Variants in SIMC1 observed in about 807,000 individuals in gnomAD.
SIMC1 encodes SUMO interacting motifs containing 1, also known as SUMO-interacting motif-containing protein 1.
Under a neutral mutation model 82.3 loss-of-function variants are expected in SIMC1, and 55 were observed. That is an observed-to-expected ratio of 0.67 (90% confidence interval 0.54 to 0.84). SIMC1 has a LOEUF of 0.84. Ranked by LOEUF, SIMC1 falls within the 40% of genes least tolerant of loss-of-function variation. The pLI is 0.00. For synonymous variants in SIMC1, 353 were observed against 426.3 expected (o/e 0.83, Z 2.12); for missense variants, 915 against 1,107.2 (o/e 0.83, Z 2.46).
chr5:176,274,430 A>G (rs1382586628), intron 1 of SIMC1, among the ~76,000 whole-genome samples: 2 of 151,724 alleles, frequency 1.3e-5, no homozygotes, highest in Non-Finnish European at 2.9e-5. Context: ...AGTAGGTTGC[A>G]AAAATTTTCT....
intron 1 of SIMC1, among the ~76,000 whole-genome samples, chr5:176,260,050 G>A (rs186823139): frequency 1.1e-3 from 158 of 150,356 alleles, no homozygotes; most frequent in South Asian, 3.1e-3. Context: ...TAAAAAATAC[G>A]TAATAGACAT....
chr5:176,279,504 GC>G (rs1244838638), intron 1 of SIMC1, among the ~76,000 whole-genome samples: 1 of 150,486 alleles, frequency 6.6e-6, no homozygotes, highest in East Asian at 1.9e-4. Flanking sequence ...GTTATTTCTT[GC>G]CTTCTGCTAG....
intron 7 of SIMC1, among the ~76,000 whole-genome samples, chr5:176,334,534 C>A (rs75823125): frequency 0.014 from 2,152 of 152,284 alleles, 41 homozygotes; most frequent in South Asian, 0.062. Context: ...TGCAACCCCC[C>A]AGTAGCTGTT....
intron 7 of SIMC1, among the ~76,000 whole-genome samples, chr5:176,328,485 C>T (rs898180496): frequency 1.3e-5 from 2 of 151,726 alleles, no homozygotes; most frequent in Non-Finnish European, 2.9e-5. Context: ...TTTTGTGTGG[C>T]TGTAAACACT....
At chr5:176,259,748 G>A (rs1761954710) in intron 1 of SIMC1, among the ~76,000 whole-genome samples, 1 of 151,280 alleles carries the variant, frequency 6.6e-6, no homozygotes, top group Non-Finnish European at 1.5e-5. Flanking sequence ...ACTCCAGCCT[G>A]GGCAACAGAG....
At chr5:176,305,137 G>GC (rs1491389294) in intron 4 of SIMC1, among the ~76,000 whole-genome samples, 172 of 11,542 alleles carry the variant, frequency 0.015, 4 homozygotes, top group African/African-American at 0.041. Flanking sequence ...CCATCCAGGA[G>GC]GGGGGGGGGG....
chr5:176,282,938 A>G (rs1176807604), intron 1 of SIMC1, among the ~76,000 whole-genome samples: 1 of 152,256 alleles, frequency 6.6e-6, no homozygotes, highest in Non-Finnish European at 1.5e-5. Flanking sequence ...TTGAAGATCA[A>G]ATGAATGAAA....
intron 1 of SIMC1, among the ~76,000 whole-genome samples, chr5:176,275,792 T>G (rs1762662187): frequency 6.6e-6 from 1 of 151,848 alleles, no homozygotes; most frequent in African/African-American, 2.4e-5. Flanking sequence ...TTCCGTATAT[T>G]GAACCAGCCT....
intron 1 of SIMC1, among the ~76,000 whole-genome samples, chr5:176,258,052 C>T (rs574125111): frequency 1.4e-3 from 214 of 152,200 alleles, no homozygotes; most frequent in African/African-American, 4.8e-3. Flanking sequence ...TCTTTCTAAG[C>T]GGAAGTACAG....
At chr5:176,342,229 C>T (rs1581339569) in intron 9 of SIMC1, among the ~76,000 whole-genome samples, 1 of 152,288 alleles carries the variant, frequency 6.6e-6, no homozygotes, top group Non-Finnish European at 1.5e-5. Flanking sequence ...AAGACAATTC[C>T]TAACTAGTCT....
At position 176,345,891 on chromosome 5, in the gene SIMC1, T is replaced by C. The variant is rs367925811; in HGVS notation, c.*446T>C. The C allele has an allele frequency of 2.0e-5, 3 of 152,366 alleles. No individual in the cohort carries two copies. In the East Asian group the frequency reaches 5.8e-4, roughly 29 times the overall value. 9.4% of individuals were successfully genotyped at this position (152,366 alleles called of 1,614,324 possible). ...TAGACCTATTATATTGCCTGTTAAT[T>C]TGACTGTAATGAATAGGGGGTAGAA... On this transcript the variant is annotated 3_prime_UTR_variant, in exon 10 of 10. Transcript: ENST00000429602.
chr5:176,249,896 GT>G (rs1478574869), intron 1 of SIMC1, among the ~76,000 whole-genome samples: 1 of 149,160 alleles, frequency 6.7e-6, no homozygotes, highest in African/African-American at 2.4e-5. Context: ...TTTTTGAAGG[GT>G]TTTTCATGTC....
At chr5:176,331,547 T>C (rs1325194236) in intron 7 of SIMC1, among the ~76,000 whole-genome samples, 2 of 150,946 alleles carry the variant, frequency 1.3e-5, no homozygotes, top group African/African-American at 2.4e-5. Context: ...ACTCCTGTCC[T>C]CAAGTGATCC....
At chr5:176,287,291 A>C (rs1212553598) in intron 1 of SIMC1, among the ~76,000 whole-genome samples, 1 of 152,248 alleles carries the variant, frequency 6.6e-6, no homozygotes, top group African/African-American at 2.4e-5. Flanking sequence ...ATGGAATACT[A>C]TGCAGCCATA....
chr5:176,308,583 C>A, intron 4 of SIMC1: 1 of 1,586,194 alleles, frequency 6.3e-7, no homozygotes, highest in Non-Finnish European at 8.6e-7. Context: ...CACTTGCTTC[C>A]AATCCATACA....
intron 4 of SIMC1, among the ~76,000 whole-genome samples, chr5:176,303,914 A>G (rs1321847491): frequency 6.6e-6 from 1 of 152,216 alleles, no homozygotes; most frequent in Non-Finnish European, 1.5e-5. Flanking sequence ...AAAATGCATT[A>G]AAGACCTGAA....
intron 1 of SIMC1, among the ~76,000 whole-genome samples, chr5:176,245,728 A>G (rs1267547449): frequency 6.6e-6 from 1 of 152,196 alleles, no homozygotes; most frequent in African/African-American, 2.4e-5. Context: ...TGTGAGCCAT[A>G]ATAAACTATG....
chr5:176,275,897 C>T (rs916483982), intron 1 of SIMC1, among the ~76,000 whole-genome samples: 4 of 150,922 alleles, frequency 2.7e-5, no homozygotes, highest in African/African-American at 9.9e-5. Flanking sequence ...AGGATTTTTG[C>T]ATCAATGTTC....
intron 7 of SIMC1, among the ~76,000 whole-genome samples, chr5:176,333,565 G>C (rs927704619): frequency 1.3e-5 from 2 of 151,844 alleles, no homozygotes; most frequent in African/African-American, 4.8e-5. Context: ...AAGTAGCTGA[G>C]ATGACAGGTG....
Sources: allele counts gnomAD v4.1 joint callset (sites outside exome capture counted in the v4.1 genomes callset), GRCh38; gene constraint gnomAD v4.1.1; transcripts MANE v1.5; gene names NCBI Gene and HGNC (gene_info 2026-07-23, HGNC 2026-07-21).